The following HMCN1 variants were observed in gnomAD, a reference collection of about 807,000 sequenced individuals.
The protein encoded by HMCN1 is hemicentin 1, also known as hemicentin-1.
In HMCN1, 321 loss-of-function variants were observed where a neutral mutation model predicts 625.9. The ratio of observed to expected loss-of-function variants is 0.51; its 90% CI spans 0.47 to 0.56. HMCN1 has a LOEUF of 0.56. Among genes scored for constraint, HMCN1 ranks in the 20% least tolerant of loss-of-function variants. The pLI is 0.00. For missense variants in HMCN1, 6,588 were observed against 6,887.3 expected (o/e 0.96, Z 1.54); for synonymous variants, 2,425 against 2,417.6 (o/e 1.00, Z -0.09).
rs750300643 is a variant in HMCN1 at position 186,082,914 on chromosome 1, A to G, written c.8837A>G (p.Glu2946Gly). The change falls in exon 57 of 107, where the codon GAG becomes GGG. Residue 2946 changes from glutamate (E) to glycine (G), a missense_variant. Glu to Gly is a moderately conservative substitution (Grantham distance 98, BLOSUM62 -2). This residue lies in a region of HMCN1 where 4,628 missense variants were observed against 4,853.1 expected (regional missense o/e 0.95). Coordinates refer to ENST00000271588, the MANE Select transcript of HMCN1 (RefSeq NM_031935.3). ...ATCGGCAGGTATGTGTGTGTTGCTG[A>G]GAACACAGCTGGGAGTGCCAAAAAA... ...TDIGRYVCVA[E>G]NTAGSAKKYF... 1.3e-6 allele frequency: 2 copies of G among 1,597,028 alleles called. No individual in the cohort carries two copies. Among genetic ancestry groups the G allele is most frequent in the Non-Finnish European group, 1.7e-6 (2 of 1,170,552 alleles).
At chr1:185,850,891 A>G (rs1354006914) in intron 2 of HMCN1, among the ~76,000 whole-genome samples, 1 of 152,156 alleles carries the variant, frequency 6.6e-6, no homozygotes, top group Non-Finnish European at 1.5e-5. Flanking sequence ...AACATTAAGC[A>G]TTGTTACAGG....
intron 59 of HMCN1, 30 bp from the exon 60 acceptor site, chr1:186,087,413 G>T (rs562804937): frequency 6.2e-7 from 1 of 1,610,240 alleles, no homozygotes; most frequent in East Asian, 2.2e-5. Flanking sequence ...TAATGAAAAA[G>T]AAAATCCTTC....
chr1:185,799,077 T>G (rs1658602460), intron 1 of HMCN1, among the ~76,000 whole-genome samples: 2 of 151,758 alleles, frequency 1.3e-5, no homozygotes, highest in Admixed American at 1.3e-4. Context: ...TATATGTTGT[T>G]TAGGGTCTTT....
At position 185,994,911 on chromosome 1, in the gene HMCN1, T is replaced by A. The variant is rs550865236; in HGVS notation, c.3602T>A (p.Val1201Glu). Residue 1201 changes from valine to glutamate, a missense_variant, in exon 24 of 107, where the codon GTA becomes GAA. Val to Glu is a moderately radical substitution (Grantham distance 121). This residue lies in a region of HMCN1 where 4,628 missense variants were observed against 4,853.1 expected (regional missense o/e 0.95). Coordinates refer to ENST00000271588, the MANE Select transcript of HMCN1 (RefSeq NM_031935.3). ...PCNAQGTPLP[V>E]ITWSKGGSTM... The stretch of plus-strand genomic sequence containing the variant: ...AATGCTCAAGGGACTCCTCTTCCTG[T>A]AATCACCTGGTCCAAAGGTGGAAGC... 1 of 1,613,868 alleles carries A rather than the reference T, an allele frequency of 6.2e-7. No individual in the cohort carries two copies. Among genetic ancestry groups the A allele is most frequent in the Non-Finnish European group, 8.5e-7 (1 of 1,179,830 alleles).
intron 1 of HMCN1, among the ~76,000 whole-genome samples, chr1:185,794,267 G>A (rs1465270248): frequency 6.6e-6 from 1 of 151,912 alleles, no homozygotes; most frequent in South Asian, 2.1e-4. Flanking sequence ...TATGAATTTA[G>A]CTAAGTTTTA....
intron 6 of HMCN1, among the ~76,000 whole-genome samples, chr1:185,917,487 G>C (rs911075198): frequency 6.6e-6 from 1 of 152,090 alleles, no homozygotes; most frequent in East Asian, 1.9e-4. Context: ...GACATAACAG[G>C]GTTTTAAGAG....
At chr1:185,936,096 C>T (rs1667800914) in intron 11 of HMCN1, among the ~76,000 whole-genome samples, 1 of 152,048 alleles carries the variant, frequency 6.6e-6, no homozygotes, top group Non-Finnish European at 1.5e-5. Flanking sequence ...AATTCACAGC[C>T]TCATTTATGT....
chr1:185,878,792 T>A (rs1664111281), intron 4 of HMCN1, among the ~76,000 whole-genome samples: 1 of 152,198 alleles, frequency 6.6e-6, no homozygotes. Context: ...AGTTATTAAC[T>A]GAATGTTTTG....
At chr1:185,839,350 A>T (rs960092675) in intron 1 of HMCN1, among the ~76,000 whole-genome samples, 1 of 152,236 alleles carries the variant, frequency 6.6e-6, no homozygotes, top group Non-Finnish European at 1.5e-5. Flanking sequence ...CAGTTCAAAA[A>T]TATTCTTGAA....
At chr1:185,866,083 A>C (rs1663173102) in intron 4 of HMCN1, among the ~76,000 whole-genome samples, 1 of 152,196 alleles carries the variant, frequency 6.6e-6, no homozygotes, top group Admixed American at 6.5e-5. Flanking sequence ...CAAACTGCTA[A>C]ATTTAATTGA....
intron 4 of HMCN1, among the ~76,000 whole-genome samples, chr1:185,897,131 A>G (rs932442118): frequency 8.5e-5 from 13 of 152,180 alleles, no homozygotes; most frequent in African/African-American, 3.1e-4. Context: ...CCTAGGGAAC[A>G]CTGAATCTAA....
chr1:185,909,403 G>A lies in HMCN1; in HGVS notation c.688G>A (p.Glu230Lys), dbSNP rs755109923. ...TCACCTTTTATCCACAGATCATTTG[G>A]AACAGGCTGTAAATACTTGGAGAAT... is the stretch of plus-strand genomic sequence containing the variant. Reference protein sequence around the residue: ...KVHLLSTDHLEQAVNTWRIPF... With the variant: ...KVHLLSTDHLKQAVNTWRIPF... Residue 230 changes from glutamate (E) to lysine (K), a missense_variant, in exon 5 of 107, where the codon GAA (glutamate) becomes AAA (lysine). Physicochemically the swap from Glu to Lys is moderately conservative, Grantham distance 56. Transcript: ENST00000271588. 5 of 1,613,264 alleles carry A rather than the reference G, an allele frequency of 3.1e-6. No homozygotes were observed. Among genetic ancestry groups the A allele is most frequent in the Non-Finnish European group, 4.2e-6 (5 of 1,179,444 alleles).
intron 65 of HMCN1, 21 bp downstream of exon 65, chr1:186,093,279 T>C (rs1057115676): frequency 1.2e-6 from 2 of 1,613,170 alleles, no homozygotes; most frequent in Non-Finnish European, 8.5e-7. Context: ...AATATCCCCC[T>C]CTTTTGATGA....
In HMCN1 at chr1:186,151,827, T is replaced by C. The variant is rs1029040152; in HGVS notation, c.14896+84T>C. ...ATTAAGAAAAATACGTGTTCCCACA[T>C]AGAATAATTTGAAACTTTTTACGCA... is the stretch of plus-strand genomic sequence containing the variant. On this transcript the variant is annotated intron_variant, in intron 95 of 106. Transcript: ENST00000271588. 4.3e-6 allele frequency: 6 copies of C among 1,393,596 alleles called. No homozygotes were observed. In the African/African-American group the frequency reaches 8.7e-5, roughly 20 times the overall value. 86.3% of individuals were successfully genotyped at this position (1,393,596 alleles called of 1,614,324 possible).
At chr1:185,880,819 A>G (rs979238742) in intron 4 of HMCN1, among the ~76,000 whole-genome samples, 8 of 152,214 alleles carry the variant, frequency 5.3e-5, no homozygotes, top group African/African-American at 1.9e-4. Context: ...TGTGTTAGTT[A>G]TAATAACCCC....
At chr1:185,910,898 T>C (rs771669391) in intron 5 of HMCN1, among the ~76,000 whole-genome samples, 2 of 152,102 alleles carry the variant, frequency 1.3e-5, no homozygotes, top group Non-Finnish European at 2.9e-5. Context: ...ACTGGAGAAG[T>C]AGTCCATGGG....
chr1:186,041,028 C>A lies in HMCN1; in HGVS notation c.6196C>A (p.Arg2066=). 1 of 1,612,668 alleles carries A rather than the reference C, an allele frequency of 6.2e-7. No individual in the cohort carries two copies. The highest frequency in any genetic ancestry group is 8.5e-7 in the Non-Finnish European group (1 of 1,179,136). The change falls in exon 40 of 107, where the codon CGA becomes AGA. Residue 2066 remains arginine, a synonymous_variant. Transcript: ENST00000271588. ...SNGLQVLSGG[R]ILALTSAQIS... ...CCATTGATAGGTTCTCTCTGGTGGT[C>A]GAATCCTAGCATTGACCAGTGCACA...
chr1:185,982,122 A>G, intron 17 of HMCN1, 140 bp from the exon 18 acceptor site: 1 of 834,150 alleles, frequency 1.2e-6, no homozygotes, highest in South Asian at 1.4e-5. Flanking sequence ...TCAAAATCAT[A>G]CCCATTTTCA....
chr1:185,762,067 A>C (rs1264398246), intron 1 of HMCN1, among the ~76,000 whole-genome samples: 1 of 152,162 alleles, frequency 6.6e-6, no homozygotes, highest in Non-Finnish European at 1.5e-5. Context: ...TCCGTGTAGG[A>C]TACTTTGTGC....
Sources: allele counts gnomAD v4.1 joint callset (sites outside exome capture counted in the v4.1 genomes callset), GRCh38; gene constraint gnomAD v4.1.1; regional missense constraint gnomAD v4.1.1; transcripts MANE v1.5; gene names NCBI Gene and HGNC (gene_info 2026-07-23, HGNC 2026-07-21).